DDO: variants seen among roughly 807,000 people sequenced by gnomAD.
The protein encoded by DDO is D-aspartate oxidase, also known as D-aspartate oxidase, DDO.
DDO carries 16 observed loss-of-function variants against 16.8 expected under a neutral mutation model. That is an observed-to-expected ratio of 0.95 (90% CI 0.65 to 1.45). The LOEUF is 1.45. Ranked by LOEUF, DDO falls within the 40% of genes most tolerant of loss-of-function variation. The pLI is 0.00. For missense variants in DDO, 429 were observed against 420.3 expected (o/e 1.02, Z -0.18); for synonymous variants, 180 against 167.2 (o/e 1.08, Z -0.59).
chr6:110,403,738 A>G lies in DDO; in HGVS notation c.458+1036T>C, dbSNP rs148110320. ...CCCATTCTAACCTGCATAAGTCTGT[A>G]CTTTATTTTACCATGTGTGTTACCA... is the stretch of plus-strand genomic sequence containing the variant. On this transcript the variant is annotated intron_variant, in intron 4 of 4. Coordinates refer to ENST00000368924, the MANE Select transcript of DDO (RefSeq NM_001372108.2). Among the ~76,000 whole-genome samples the G allele has an allele frequency of 1.5e-3, 222 of 152,306 alleles. 1 individual carries two copies. The highest frequency in any genetic ancestry group is 5.3e-3 in the African/African-American group (220 of 41,568).
chr6:110,407,535 C>T (rs1773699165), intron 3 of DDO, among the ~76,000 whole-genome samples: 1 of 152,132 alleles, frequency 6.6e-6, no homozygotes, highest in Admixed American at 6.5e-5. Context: ...AGATAAGACA[C>T]ATTTTTTCAG....
chr6:110,401,032 G>A lies in DDO; in HGVS notation c.458+3742C>T, dbSNP rs940821563. Among the ~76,000 whole-genome samples the A allele has an allele frequency of 8.5e-5, 13 of 152,336 alleles. No individual in the cohort carries two copies. In the Middle Eastern group the frequency reaches 0.01, roughly 120 times the overall value. On this transcript the variant is annotated intron_variant, in intron 4 of 4. Transcript: ENST00000368924. Reference sequence around the variant, plus strand: ...ACTGTCTTCCTCCCGGGGGCAGACTGTGCCACTGTGTGCACCCCGGAGCCC... The same window carrying A: ...ACTGTCTTCCTCCCGGGGGCAGACTATGCCACTGTGTGCACCCCGGAGCCC...
At chr6:110,411,393 C>G (rs1473939649) in intron 2 of DDO, among the ~76,000 whole-genome samples, 1 of 152,084 alleles carries the variant, frequency 6.6e-6, no homozygotes, top group Admixed American at 6.5e-5. Flanking sequence ...ACAAAAACCT[C>G]CCACAATTTG....
chr6:110,404,208 T>C (rs1773571834), intron 4 of DDO, among the ~76,000 whole-genome samples: 1 of 152,202 alleles, frequency 6.6e-6, no homozygotes, highest in Non-Finnish European at 1.5e-5. Context: ...TCCTGAAAAG[T>C]AAGCCGAAAT....
rs1773721584 is a variant in DDO at position 110,408,196 on chromosome 6, T to C, written c.281+138A>G. 5.7e-6 allele frequency: 4 copies of C among 707,480 alleles called. 1 individual carries two copies. The highest frequency in any genetic ancestry group is 9.3e-6 in the Non-Finnish European group (4 of 430,024). 43.8% of individuals were successfully genotyped at this position (707,480 alleles called of 1,614,324 possible). A position where few individuals can be genotyped will look rare whatever the true frequency, so the allele number is the denominator to read the frequency against. On this transcript the variant is annotated intron_variant, in intron 3 of 4. Coordinates refer to ENST00000368924, the MANE Select transcript of DDO (RefSeq NM_001372108.2). ...CTTCAGTTCTTTGGGGTAAAGCCTA[T>C]AATGCTCTTTCCGAATCCTCCTGCA...
chr6:110,393,504 C>T (rs1773185511), intron 4 of DDO, among the ~76,000 whole-genome samples, 162 bp from the exon 5 acceptor site: 1 of 152,224 alleles, frequency 6.6e-6, no homozygotes, highest in Admixed American at 6.5e-5. Context: ...TAGCCATCAA[C>T]TGCTTCACAT....
In DDO at chr6:110,414,952, TCTTCC is replaced by T. The variant is rs201669009; in HGVS notation, c.-5+510_-5+514del. Among the ~76,000 whole-genome samples, 1,237 of 152,378 alleles carry T rather than the reference TCTTCC, an allele frequency of 8.1e-3. 41 individuals are homozygous for T. The East Asian group carries it at 0.12, about 14-fold the overall frequency. On this transcript the variant is annotated intron_variant, in intron 1 of 4. Transcript: ENST00000368924. ...TTGGTTGTTAGTGGCCTCTGCTTTC[TCTTCC>T]AGTTCTGAAGATTCTCGCACTATGA...
chr6:110,397,315 T>C (rs1209554578), intron 4 of DDO, among the ~76,000 whole-genome samples: 1 of 152,254 alleles, frequency 6.6e-6, no homozygotes, highest in East Asian at 1.9e-4. Context: ...TGTATATCAC[T>C]TATGTTTCAT....
intron 4 of DDO, among the ~76,000 whole-genome samples, chr6:110,400,319 C>G (rs956048): frequency 3.4e-5 from 5 of 147,542 alleles, no homozygotes; most frequent in African/African-American, 1.0e-4. Context: ...GTAGTGGGAG[C>G]TGGGAGGGTG....
chr6:110,392,347 A>G lies in DDO; in HGVS notation c.*428T>C. The G allele has an allele frequency of 1.0e-6, 1 of 987,326 alleles. No individual in the cohort carries two copies. Among genetic ancestry groups the G allele is most frequent in the Non-Finnish European group, 1.2e-6 (1 of 831,288 alleles). 61.2% of individuals were successfully genotyped at this position (987,326 alleles called of 1,614,324 possible). On this transcript the variant is annotated 3_prime_UTR_variant, in exon 5 of 5. Coordinates refer to ENST00000368924, the MANE Select transcript of DDO (RefSeq NM_001372108.2). ...GATATCAAAATCTCTATAGCTTCCA[A>G]CATTCATATAAATCTGCATAGGTCC... is the stretch of plus-strand genomic sequence containing the variant.
Position 110,393,252 on chromosome 6 carries a change from TG to T in DDO, c.548del (p.Ser183Ter), listed in dbSNP as rs761555584. 2.6e-5 allele frequency: 42 copies of T among 1,614,046 alleles called. No individual in the cohort carries two copies. The highest frequency in any genetic ancestry group is 3.6e-5 in the Non-Finnish European group (42 of 1,180,008). ...HPSFDIVVNC[S>X]GLGSRQLAGD... The stretch of plus-strand genomic sequence containing the variant: ...CTGCAAGCTGTCTGCTTCCAAGGCC[TG>T]AACAGTTGACCACGATGTCAAAGGA... On this transcript the variant is annotated frameshift_variant, in exon 5 of 5. Coordinates refer to ENST00000368924, the MANE Select transcript of DDO (RefSeq NM_001372108.2). LOFTEE classifies it low-confidence loss of function (END_TRUNC).
intron 4 of DDO, among the ~76,000 whole-genome samples, chr6:110,401,286 G>A (rs1773477707): frequency 6.6e-6 from 1 of 152,178 alleles, no homozygotes; most frequent in African/African-American, 2.4e-5. Flanking sequence ...TCAGGGGACA[G>A]AGGAAAAGAG....
chr6:110,401,568 TG>T (rs34881250), intron 4 of DDO, among the ~76,000 whole-genome samples: 2 of 151,644 alleles, frequency 1.3e-5, no homozygotes, highest in Non-Finnish European at 2.9e-5. Flanking sequence ...ATCAAAATGA[TG>T]GGGGGGATAA....
Position 110,392,405 on chromosome 6 carries a change from T to C in DDO, c.*370A>G. On this transcript the variant is annotated 3_prime_UTR_variant, in exon 5 of 5. Coordinates refer to ENST00000368924, the MANE Select transcript of DDO (RefSeq NM_001372108.2). Reference sequence around the variant, plus strand: ...TCAGTTCTAAATAAATTTTACTCTATAAGAAGTATTTTTAACAAAAAATAG... The same window carrying C: ...TCAGTTCTAAATAAATTTTACTCTACAAGAAGTATTTTTAACAAAAAATAG... The C allele has an allele frequency of 1.0e-6, 1 of 999,066 alleles. No homozygotes were observed. Among genetic ancestry groups the C allele is most frequent in the Non-Finnish European group, 1.2e-6 (1 of 839,694 alleles). 61.9% of individuals were successfully genotyped at this position (999,066 alleles called of 1,614,324 possible).
At chr6:110,407,227 G>A (rs192885675) in intron 3 of DDO, among the ~76,000 whole-genome samples, 6 of 152,194 alleles carry the variant, frequency 3.9e-5, no homozygotes, top group East Asian at 3.9e-4. Flanking sequence ...TGAATTAGAC[G>A]GACTCATGTT....
Position 110,391,871 on chromosome 6 carries a change from T to C in DDO, c.*904A>G, listed in dbSNP as rs1265608648. ...TTAACAAACTGCGGAGTACTCTGATTATATTTCATTCAGAATGATTGTTCC... is the reference window on the plus strand; with the variant it reads ...TTAACAAACTGCGGAGTACTCTGATCATATTTCATTCAGAATGATTGTTCC... On this transcript the variant is annotated 3_prime_UTR_variant, in exon 5 of 5. Coordinates refer to ENST00000368924, the MANE Select transcript of DDO (RefSeq NM_001372108.2). 2.6e-5 allele frequency: 4 copies of C among 152,248 alleles called. No individual in the cohort carries two copies. Among genetic ancestry groups the C allele is most frequent in the Non-Finnish European group, 5.9e-5 (4 of 68,060 alleles). The allele number at this position is 152,248 out of a possible 1,614,324, so 9.4% of individuals were successfully genotyped here. A position where few individuals can be genotyped will look rare whatever the true frequency, so the allele number is the denominator to read the frequency against.
intron 4 of DDO, among the ~76,000 whole-genome samples, chr6:110,395,897 G>A (rs1773274185): frequency 2.6e-5 from 4 of 152,248 alleles, no homozygotes; most frequent in African/African-American, 9.6e-5. Context: ...CATGTTCATG[G>A]TGGTGCATGC....
chr6:110,410,048 A>T (rs975196540), intron 2 of DDO, among the ~76,000 whole-genome samples: 1 of 148,732 alleles, frequency 6.7e-6, no homozygotes, highest in Non-Finnish European at 1.5e-5. Context: ...GTATCAACTC[A>T]TTTAATCCCC....
At chr6:110,406,381 C>T (rs1402645190) in intron 3 of DDO, among the ~76,000 whole-genome samples, 1 of 152,052 alleles carries the variant, frequency 6.6e-6, no homozygotes, top group East Asian at 1.9e-4. Flanking sequence ...GCCAGAAACC[C>T]AAGAATCATC....
Sources: gnomAD v4.1 joint callset for allele counts (sites outside exome capture counted in the v4.1 genomes callset) on GRCh38, gnomAD v4.1.1 for gene constraint, MANE v1.5 for transcripts, NCBI Gene and HGNC (gene_info 2026-07-23, HGNC 2026-07-21) for gene names.